Variants in HS3ST4 observed in about 807,000 individuals in gnomAD.
HS3ST4 encodes the protein heparan sulfate-glucosamine 3-sulfotransferase 4.
A neutral mutation model predicts 29.2 loss-of-function variants in HS3ST4; 17 were observed. The ratio of observed to expected loss-of-function variants is 0.58; its 90% CI spans 0.40 to 0.87. HS3ST4 has a LOEUF of 0.87. Among genes scored for constraint, HS3ST4 ranks in the 40% least tolerant of loss-of-function variants. The pLI, the probability that HS3ST4 is intolerant of heterozygous loss-of-function variation, is 0.00. For missense variants in HS3ST4, 627 were observed against 634.5 expected (o/e 0.99, Z 0.13); for synonymous variants, 314 against 285.7 (o/e 1.10, Z -1.00).
At chr16:26,134,769 T>A (rs1426900320) in intron 1 of HS3ST4, among the ~76,000 whole-genome samples, 3 of 152,226 alleles carry the variant, frequency 2.0e-5, no homozygotes, top group African/African-American at 7.2e-5. Context: ...ATTTGCACAA[T>A]AATACCTTTG....
chr16:26,113,196 TA>T (rs1226434571), intron 1 of HS3ST4, among the ~76,000 whole-genome samples: 2 of 152,052 alleles, frequency 1.3e-5, no homozygotes, highest in East Asian at 3.9e-4. Flanking sequence ...ATTTTTCAAA[TA>T]AAAAAGATTA....
At chr16:25,853,232 A>G (rs1330092312) in intron 1 of HS3ST4, among the ~76,000 whole-genome samples, 1 of 152,012 alleles carries the variant, frequency 6.6e-6, no homozygotes, top group Non-Finnish European at 1.5e-5. Context: ...TGTTTATTTC[A>G]TATCCCGCAA....
Position 26,136,208 on chromosome 16 carries a change from G to A in HS3ST4, c.1331G>A (p.Gly444Asp), listed in dbSNP as rs369338332. The A allele has an allele frequency of 3.1e-6, 5 of 1,613,236 alleles. No individual in the cohort carries two copies. The African/African-American group carries it at 4.0e-5, about 13-fold the overall frequency. ...PFNLMFYQMT[G>D]QDFQWEQEEG... ...AACTTGATGTTTTACCAAATGACTGGTCAAGATTTTCAGTGGGAACAGGAA... is the reference window on the plus strand; with the variant it reads ...AACTTGATGTTTTACCAAATGACTGATCAAGATTTTCAGTGGGAACAGGAA... The change falls in exon 2 of 2, where the codon GGT becomes GAT. Residue 444 changes from glycine to aspartate, a missense_variant. Coordinates refer to ENST00000331351, the MANE Select transcript of HS3ST4 (RefSeq NM_006040.3).
At chr16:26,062,252 G>T (rs1206416786) in intron 1 of HS3ST4, among the ~76,000 whole-genome samples, 2 of 152,244 alleles carry the variant, frequency 1.3e-5, no homozygotes, top group African/African-American at 2.4e-5. Flanking sequence ...GAGTCAGACA[G>T]AGCTGGTTCA....
intron 1 of HS3ST4, among the ~76,000 whole-genome samples, chr16:26,103,236 G>A (rs1354518709): frequency 6.6e-6 from 1 of 152,108 alleles, no homozygotes; most frequent in Non-Finnish European, 1.5e-5. Context: ...GGTAAAGAAG[G>A]TGTTGTTATC....
intron 1 of HS3ST4, among the ~76,000 whole-genome samples, chr16:25,717,073 G>A (rs1282617594): frequency 6.6e-6 from 1 of 152,074 alleles, no homozygotes; most frequent in African/African-American, 2.4e-5. Flanking sequence ...AAGGGAGGCA[G>A]GGAGGGAATT....
At chr16:26,026,289 A>G (rs1048506652) in intron 1 of HS3ST4, among the ~76,000 whole-genome samples, 1 of 152,224 alleles carries the variant, frequency 6.6e-6, no homozygotes, top group Admixed American at 6.5e-5. Flanking sequence ...TCAAAAGCCA[A>G]TATACTAGGG....
intron 1 of HS3ST4, among the ~76,000 whole-genome samples, chr16:25,896,247 A>C (rs1235878709): frequency 6.6e-6 from 1 of 152,216 alleles, no homozygotes; most frequent in East Asian, 1.9e-4. Flanking sequence ...AACAGAGCCA[A>C]GTCAAAAATA....
At chr16:26,033,688 C>T (rs2141754801) in intron 1 of HS3ST4, among the ~76,000 whole-genome samples, 1 of 152,078 alleles carries the variant, frequency 6.6e-6, no homozygotes, top group Non-Finnish European at 1.5e-5. Context: ...CACCACTGCG[C>T]TCCAGCCTGG....
intron 1 of HS3ST4, among the ~76,000 whole-genome samples, chr16:26,050,564 C>T (rs1477657705): frequency 6.6e-6 from 1 of 152,154 alleles, no homozygotes; most frequent in Non-Finnish European, 1.5e-5. Flanking sequence ...GAAAGTACTG[C>T]AGCTACCACA....
At chr16:26,030,477 G>T (rs929356005) in intron 1 of HS3ST4, among the ~76,000 whole-genome samples, 9 of 152,178 alleles carry the variant, frequency 5.9e-5, no homozygotes, top group African/African-American at 2.2e-4. Context: ...ATAAATCAAC[G>T]CAAAGCACCT....
intron 1 of HS3ST4, among the ~76,000 whole-genome samples, chr16:26,115,207 A>G (rs929623108): frequency 5.9e-5 from 9 of 151,788 alleles, no homozygotes; most frequent in Non-Finnish European, 1.3e-4. Context: ...TATAATTTCT[A>G]TGAATATATA....
chr16:26,024,499 A>G (rs759938786), intron 1 of HS3ST4, among the ~76,000 whole-genome samples: 1 of 152,136 alleles, frequency 6.6e-6, no homozygotes, highest in Non-Finnish European at 1.5e-5. Flanking sequence ...TAGGAGGCTG[A>G]GGCAGGCAGA....
At chr16:25,771,502 C>T (rs903667868) in intron 1 of HS3ST4, among the ~76,000 whole-genome samples, 2 of 152,016 alleles carry the variant, frequency 1.3e-5, no homozygotes, top group Admixed American at 1.3e-4. Flanking sequence ...TACCTTTCCT[C>T]CTCCTTTCCC....
chr16:25,802,321 T>G (rs1966947310), intron 1 of HS3ST4, among the ~76,000 whole-genome samples: 1 of 152,166 alleles, frequency 6.6e-6, no homozygotes, highest in Non-Finnish European at 1.5e-5. Flanking sequence ...TATCTAAATT[T>G]GTTTATTGAA....
chr16:25,803,734 A>G (rs1362008499), intron 1 of HS3ST4, among the ~76,000 whole-genome samples: 2 of 152,152 alleles, frequency 1.3e-5, no homozygotes, highest in Non-Finnish European at 2.9e-5. Flanking sequence ...TTTTTCATCA[A>G]AAGGACATGC....
chr16:25,925,241 T>C (rs533439493), intron 1 of HS3ST4, among the ~76,000 whole-genome samples: 2 of 151,530 alleles, frequency 1.3e-5, no homozygotes, highest in African/African-American at 4.8e-5. Flanking sequence ...GCTCCTCTGA[T>C]TGGCCCAGCT....
At chr16:26,002,411 A>C (rs1969219399) in intron 1 of HS3ST4, among the ~76,000 whole-genome samples, 1 of 152,118 alleles carries the variant, frequency 6.6e-6, no homozygotes, top group African/African-American at 2.4e-5. Flanking sequence ...CATGAGGCCA[A>C]GTGGGGCGTA....
At chr16:25,955,965 C>T (rs146952356) in intron 1 of HS3ST4, among the ~76,000 whole-genome samples, 1,719 of 152,056 alleles carry the variant, frequency 0.011, 34 homozygotes, top group African/African-American at 0.04. Context: ...CAAGTGCCTA[C>T]CACCATGCCT....
Sources: allele counts gnomAD v4.1 joint callset (sites outside exome capture counted in the v4.1 genomes callset), GRCh38; gene constraint gnomAD v4.1.1; transcripts MANE v1.5; gene names NCBI Gene and HGNC (gene_info 2026-07-23, HGNC 2026-07-21).